INSL6: variants seen among roughly 807,000 people sequenced by gnomAD.
The protein encoded by INSL6 is insulin like 6, also known as insulin-like peptide INSL6.
INSL6 carries 16 observed loss-of-function variants against 9.4 expected under a neutral mutation model. The ratio of observed to expected loss-of-function variants is 1.70; its 90% CI spans 1.15 to 2.59. The LOEUF is 2.59. Among genes scored for constraint, INSL6 ranks in the 30% most tolerant of loss-of-function variants. The pLI, the probability that INSL6 is intolerant of heterozygous loss-of-function variation, is 0.00. For missense variants in INSL6, 391 were observed against 257.3 expected (o/e 1.52, Z -3.56); for synonymous variants, 154 against 96.9 (o/e 1.59, Z -3.46).
chr9:5,052,469 G>A, the INSL6 span, among the ~76,000 whole-genome samples: 1 of 151,476 alleles, frequency 6.6e-6, no homozygotes, highest in Non-Finnish European at 1.5e-5. Context: ...AAGATTCCAT[G>A]ATATTTTAAA....
At chr9:5,095,147 C>T in the INSL6 span, 1 of 151,910 alleles carries the variant, frequency 6.6e-6, no homozygotes, top group Admixed American at 6.6e-5. Context: ...ACCTATTAAA[C>T]CATATCCTAA....
chr9:5,089,144 C>T, the INSL6 span, among the ~76,000 whole-genome samples: 1 of 152,182 alleles, frequency 6.6e-6, no homozygotes, highest in African/African-American at 2.4e-5. Flanking sequence ...TATATTTCAG[C>T]CTATAATTCC....
the INSL6 span, among the ~76,000 whole-genome samples, chr9:5,064,154 T>TGGGCGG: frequency 6.7e-6 from 1 of 149,106 alleles, no homozygotes; most frequent in African/African-American, 2.5e-5. Context: ...AGACTCTGAC[T>TGGGCGG]GGGCGGGGGC....
chr9:5,020,397 C>A, the INSL6 span, among the ~76,000 whole-genome samples: 1 of 152,078 alleles, frequency 6.6e-6, no homozygotes, highest in Admixed American at 6.5e-5. Context: ...GTGAGAGTAT[C>A]CTCAGGCCCT....
At chr9:5,122,571 A>G (rs1009702930), downstream of INSL6, among the ~76,000 whole-genome samples, 2 of 152,108 alleles carry the variant, frequency 1.3e-5, no homozygotes, top group African/African-American at 4.8e-5. Flanking sequence ...TTTCTATGTC[A>G]GAGATTCCCA....
the INSL6 span, among the ~76,000 whole-genome samples, chr9:5,009,684 CATTGCAT>C: frequency 6.6e-6 from 1 of 152,130 alleles, no homozygotes; most frequent in Non-Finnish European, 1.5e-5. Context: ...CCTTGATAAT[CATTGCAT>C]ATTTATGCTT....
chr9:5,168,433 C>T (rs1825105358), intron 1 of INSL6, among the ~76,000 whole-genome samples: 1 of 151,966 alleles, frequency 6.6e-6, no homozygotes, highest in African/African-American at 2.4e-5. Context: ...GATGCAAACA[C>T]AAGTTTGAAG....
In INSL6 at chr9:5,164,022, C is replaced by T. The variant is rs755562723; in HGVS notation, c.533G>A (p.Cys178Tyr). 3.7e-6 allele frequency: 6 copies of T among 1,613,456 alleles called. No homozygotes were observed. The highest frequency in any genetic ancestry group is 5.1e-6 in the Non-Finnish European group (6 of 1,179,802). The stretch of plus-strand genomic sequence containing the variant: ...TTCTTTTGTACATCCTGTAAGACAA[C>T]ACTTTTCTGAATATCCTCTGCGTTT... ...QRKRRGYSEK[C>Y]CLTGCTKEEL... Residue 178 changes from cysteine (C) to tyrosine (Y), a missense_variant, in exon 2 of 2, where the codon TGT (cysteine) becomes TAT (tyrosine). Physicochemically the swap from Cys to Tyr is radical, Grantham distance 194. Transcript: ENST00000381641.
the INSL6 span, among the ~76,000 whole-genome samples, chr9:5,063,178 A>T: frequency 6.6e-6 from 1 of 152,148 alleles, no homozygotes; most frequent in South Asian, 2.1e-4. Flanking sequence ...GGGCCAAGAA[A>T]TATGCTGTAA....
At chr9:5,044,002 G>A in the INSL6 span, among the ~76,000 whole-genome samples, 1 of 152,154 alleles carries the variant, frequency 6.6e-6, no homozygotes, top group African/African-American at 2.4e-5. Flanking sequence ...AGTGTTCTTT[G>A]TTTCTCTGAA....
the INSL6 span, among the ~76,000 whole-genome samples, chr9:5,062,554 AAAGGG>A: frequency 2.6e-5 from 4 of 151,040 alleles, no homozygotes; most frequent in South Asian, 8.3e-4. Context: ...AAGGAGCAAT[AAAGGG>A]AAGTGCAGTA....
the INSL6 span, among the ~76,000 whole-genome samples, chr9:5,063,018 C>G: frequency 3.8e-4 from 57 of 151,736 alleles, no homozygotes; most frequent in African/African-American, 1.3e-3. Flanking sequence ...TTTAGGATAC[C>G]TTTTATAGTA....
the INSL6 span, among the ~76,000 whole-genome samples, chr9:5,063,032 G>C: frequency 6.6e-6 from 1 of 151,854 alleles, no homozygotes; most frequent in Non-Finnish European, 1.5e-5. Context: ...TATAGTACTT[G>C]TTTTTTTGGC....
At chr9:5,080,782 A>G in the INSL6 span, 1 of 904,616 alleles carries the variant, frequency 1.1e-6, no homozygotes, top group Non-Finnish European at 1.6e-6. Flanking sequence ...CATTTTCTTG[A>G]TGTCATTTGG....
chr9:5,000,732 G>T, the INSL6 span, among the ~76,000 whole-genome samples: 1 of 152,088 alleles, frequency 6.6e-6, no homozygotes, highest in Admixed American at 6.5e-5. Flanking sequence ...TAATTAGTTT[G>T]TGGAGCTCTT....
intron 2 of INSL6, among the ~76,000 whole-genome samples, chr9:5,146,591 C>G (rs1824605699): frequency 6.6e-6 from 1 of 152,186 alleles, no homozygotes; most frequent in Non-Finnish European, 1.5e-5. Flanking sequence ...AGCATTAACA[C>G]AAGGGTGGAG....
At chr9:5,050,588 T>C in the INSL6 span, 1 of 1,258,476 alleles carries the variant, frequency 7.9e-7, no homozygotes, top group East Asian at 2.5e-5. Context: ...ATCTTGTAAA[T>C]GCATATGTTC....
At chr9:5,061,691 A>C in the INSL6 span, among the ~76,000 whole-genome samples, 1 of 152,212 alleles carries the variant, frequency 6.6e-6, no homozygotes, top group Non-Finnish European at 1.5e-5. Context: ...CTTTCTTATA[A>C]TTTATGTGCT....
At chr9:5,041,260 C>T in the INSL6 span, 1 of 1,366,794 alleles carries the variant, frequency 7.3e-7, no homozygotes, top group Non-Finnish European at 1.0e-6. Context: ...TCCACATCAT[C>T]GACCTCGGGC....
Sources: gnomAD v4.1 joint callset for allele counts (sites outside exome capture counted in the v4.1 genomes callset) on GRCh38, gnomAD v4.1.1 for gene constraint, MANE v1.5 for transcripts, NCBI Gene and HGNC (gene_info 2026-07-23, HGNC 2026-07-21) for gene names.